RAB28: variants seen among roughly 807,000 people sequenced by gnomAD.
RAB28 encodes the protein RAB28, member RAS oncogene family.
A neutral mutation model predicts 31.7 loss-of-function variants in RAB28; 24 were observed. The ratio of observed to expected loss-of-function variants is 0.76; its 90% CI spans 0.55 to 1.06. The LOEUF (loss-of-function observed/expected upper bound fraction) is 1.06, where lower values mean the gene tolerates loss of function less well. RAB28 is among the 50% of genes least tolerant of loss of function. The pLI is 0.00. For missense variants in RAB28, 254 were observed against 258.5 expected (o/e 0.98, Z 0.12); for synonymous variants, 100 against 90.4 (o/e 1.11, Z -0.60).
intron 4 of RAB28, chr4:13,459,791 T>C: frequency 8.3e-7 from 1 of 1,206,892 alleles, no homozygotes; most frequent in Middle Eastern, 2.3e-4. Context: ...AGACACTTCT[T>C]TCTTCCCTAA....
chr4:13,399,583 T>C (rs1205408590), intron 4 of RAB28, among the ~76,000 whole-genome samples: 1 of 152,226 alleles, frequency 6.6e-6, no homozygotes, highest in Non-Finnish European at 1.5e-5. Flanking sequence ...AGATTGACAT[T>C]ATCTGTCACT....
At chr4:13,397,935 T>C (rs1057078821) in intron 4 of RAB28, among the ~76,000 whole-genome samples, 5 of 152,096 alleles carry the variant, frequency 3.3e-5, no homozygotes, top group African/African-American at 9.7e-5. Flanking sequence ...GGGATCATAA[T>C]GAATCTTCAT....
At chr4:13,372,819 C>T (rs1213039427) in intron 6 of RAB28, among the ~76,000 whole-genome samples, 2 of 151,892 alleles carry the variant, frequency 1.3e-5, no homozygotes, top group African/African-American at 4.8e-5. Context: ...TTGTACTGTA[C>T]AATAATATGC....
At chr4:13,472,568 A>T (rs1716169131) in intron 3 of RAB28, among the ~76,000 whole-genome samples, 1 of 151,754 alleles carries the variant, frequency 6.6e-6, no homozygotes, top group African/African-American at 2.4e-5. Context: ...TTCTCCACTA[A>T]CTCTGGTTAC....
intron 4 of RAB28, among the ~76,000 whole-genome samples, chr4:13,435,336 A>G (rs909477356): frequency 5.3e-5 from 8 of 152,122 alleles, no homozygotes; most frequent in Admixed American, 3.3e-4. Flanking sequence ...ACAAGAACCA[A>G]CTAAACACAA....
At chr4:13,409,319 C>T (rs1712288285) in intron 4 of RAB28, among the ~76,000 whole-genome samples, 1 of 152,156 alleles carries the variant, frequency 6.6e-6, no homozygotes. Context: ...AAAGATAAGT[C>T]TTAGGCGGTA....
intron 4 of RAB28, among the ~76,000 whole-genome samples, chr4:13,430,408 C>T (rs1244147587): frequency 2.6e-5 from 4 of 152,140 alleles, no homozygotes; most frequent in African/African-American, 9.7e-5. Context: ...CCAAGAAACT[C>T]AGAGTCCCAT....
chr4:13,477,984 T>A lies in RAB28; in HGVS notation c.172+1446A>T, dbSNP rs577236323. ...TAAAAAATGAGAAATAATAAAGTAA[T>A]GAGACAAGAAGTTGGTGGCTTTTCA... On this transcript the variant is annotated intron_variant, in intron 2 of 6. Coordinates refer to ENST00000330852, the MANE Select transcript of RAB28 (RefSeq NM_001017979.3). Among the ~76,000 whole-genome samples, 21 of 151,612 alleles carry A rather than the reference T, an allele frequency of 1.4e-4. No homozygotes were observed. In the South Asian group the frequency reaches 4.1e-3, roughly 30 times the overall value.
intron 4 of RAB28, among the ~76,000 whole-genome samples, chr4:13,382,337 C>T (rs995079920): frequency 6.6e-6 from 1 of 151,990 alleles, no homozygotes; most frequent in African/African-American, 2.4e-5. Context: ...ACTACAGACC[C>T]TATAAGGGTG....
rs1439385380 is a variant in RAB28 at position 13,484,138 on chromosome 4, C to G, written c.13G>C (p.Glu5Gln). MSDS[E>Q]EESQDRQLKI... is the part of the protein sequence containing the mutation. The stretch of plus-strand genomic sequence containing the variant: ...AGTTGCCGGTCCTGGCTCTCCTCCT[C>G]AGAGTCCGACATGGTGTCCCGGGAA... Residue 5 changes from glutamate (E) to glutamine (Q), a missense_variant, in exon 1 of 7, where the codon GAG becomes CAG. Transcript: ENST00000330852. The G allele has an allele frequency of 1.3e-6, 2 of 1,590,552 alleles. No individual in the cohort carries two copies. The highest frequency in any genetic ancestry group is 1.7e-6 in the Non-Finnish European group (2 of 1,168,248).
At position 13,460,791 on chromosome 4, in the gene RAB28, C is replaced by T. The variant is rs1715552187; in HGVS notation, c.299G>A (p.Ser100Asn). 2 of 1,613,700 alleles carry T rather than the reference C, an allele frequency of 1.2e-6. No individual in the cohort carries two copies. Among genetic ancestry groups the T allele is most frequent in the Non-Finnish European group, 1.7e-6 (2 of 1,179,682 alleles). ...ATACCAATCTTCTAAATTCTCAAAG[C>T]TTTGATAATTTGTAATATCATATAC... Reference protein sequence around the residue: ...LLVYDITNYQSFENLEDWYTV... With the variant: ...LLVYDITNYQNFENLEDWYTV... The change falls in exon 4 of 7, where the codon AGC becomes AAC. Residue 100 changes from serine (S) to asparagine (N), a missense_variant. Physicochemically the swap from Ser to Asn is conservative, Grantham distance 46. Coordinates refer to ENST00000330852, the MANE Select transcript of RAB28 (RefSeq NM_001017979.3).
intron 2 of RAB28, among the ~76,000 whole-genome samples, chr4:13,478,660 A>C (rs969778838): frequency 1.3e-5 from 2 of 151,742 alleles, no homozygotes; most frequent in African/African-American, 4.8e-5. Context: ...ATGGTTTATA[A>C]AGTCAATCAA....
chr4:13,447,191 T>C (rs932593915), intron 4 of RAB28, among the ~76,000 whole-genome samples: 5 of 152,190 alleles, frequency 3.3e-5, no homozygotes, highest in African/African-American at 1.2e-4. Flanking sequence ...GCTTCTACTC[T>C]TATCCACTAT....
chr4:13,400,103 T>A (rs1711663230), intron 4 of RAB28, among the ~76,000 whole-genome samples: 1 of 152,192 alleles, frequency 6.6e-6, no homozygotes, highest in Non-Finnish European at 1.5e-5. Context: ...CTAGGACTAC[T>A]TATTAAGCAT....
At chr4:13,397,937 A>C (rs897036300) in intron 4 of RAB28, among the ~76,000 whole-genome samples, 2 of 152,120 alleles carry the variant, frequency 1.3e-5, no homozygotes, top group African/African-American at 2.4e-5. Flanking sequence ...GATCATAATG[A>C]ATCTTCATAA....
At chr4:13,392,106 A>T (rs1729659287) in intron 4 of RAB28, among the ~76,000 whole-genome samples, 1 of 152,144 alleles carries the variant, frequency 6.6e-6, no homozygotes, top group Admixed American at 6.5e-5. Context: ...AAAAATTCTG[A>T]ATCTAAAGTT....
intron 4 of RAB28, among the ~76,000 whole-genome samples, chr4:13,451,012 A>C (rs1230385965): frequency 6.6e-6 from 1 of 151,854 alleles, no homozygotes; most frequent in Admixed American, 6.6e-5. Context: ...ATGTAATCCA[A>C]CCAAAGAGTT....
At chr4:13,471,568 C>T (rs188987487) in intron 3 of RAB28, among the ~76,000 whole-genome samples, 5 of 151,978 alleles carry the variant, frequency 3.3e-5, no homozygotes, top group Non-Finnish European at 4.4e-5. Flanking sequence ...GTGGCATGAT[C>T]ATAGCTCACT....
rs184735105 is a variant in RAB28 at position 13,409,637 on chromosome 4, C to A, written c.392-28043G>T. On this transcript the variant is annotated intron_variant, in intron 4 of 6. Transcript: ENST00000330852. ...ATAAGGTCAGCTAGCAAATCAGTTA[C>A]AAGGAGTGAGAGCTACTACCATACC... is the stretch of plus-strand genomic sequence containing the variant. Among the ~76,000 whole-genome samples the A allele has an allele frequency of 1.2e-3, 185 of 152,302 alleles. 2 individuals carry two copies. The highest frequency in any genetic ancestry group is 4.3e-3 in the African/African-American group (177 of 41,574).
Sources: gnomAD v4.1 joint callset for allele counts (sites outside exome capture counted in the v4.1 genomes callset) on GRCh38, gnomAD v4.1.1 for gene constraint, MANE v1.5 for transcripts, NCBI Gene and HGNC (gene_info 2026-07-23, HGNC 2026-07-21) for gene names.